PRPF18: variants seen among roughly 807,000 people sequenced by gnomAD.
PRPF18 encodes the protein pre-mRNA-splicing factor 18.
PRPF18 carries 38 observed loss-of-function variants against 46.5 expected under a neutral mutation model. That is an observed-to-expected ratio of 0.82 (90% confidence interval 0.63 to 1.07). The LOEUF (loss-of-function observed/expected upper bound fraction) is 1.07. PRPF18 is among the 50% of genes least tolerant of loss of function. The probability of loss-of-function intolerance (pLI) is 0.00; values close to 1 mark genes in which losing one functional copy is unlikely to be tolerated. For synonymous variants in PRPF18, 152 were observed against 146.7 expected (o/e 1.04, Z -0.26); for missense variants, 263 against 410.0 (o/e 0.64, Z 3.10).
chr10:13,646,950 G>A, the PRPF18 span: 22 of 979,354 alleles, frequency 2.2e-5, no homozygotes, highest in Non-Finnish European at 2.7e-5. Context: ...AGGGTCCCGG[G>A]CTTGGCTTTT....
rs185191043 is a variant in PRPF18 at position 13,621,247 on chromosome 10, C to G, written c.948+4694C>G. On this transcript the variant is annotated intron_variant, in intron 9 of 9. Transcript: ENST00000378572. ...TACTCTTATCCTTCCTCACTGTGTT[C>G]CCTCCAAACGTGACTTTACCAGCAA... 2.9e-4 allele frequency among the ~76,000 whole-genome samples: 44 copies of G among 152,300 alleles called. No individual in the cohort carries two copies. In the East Asian group the frequency reaches 5.4e-3, roughly 19 times the overall value.
intron 5 of PRPF18, 107 bp downstream of exon 5, chr10:13,610,292 G>T: frequency 1.6e-6 from 2 of 1,234,720 alleles, no homozygotes; most frequent in East Asian, 2.5e-5. Flanking sequence ...TGTTGTCCTT[G>T]GTCTTTTGTT....
chr10:13,591,494 G>A (rs989227793), intron 1 of PRPF18: 27 of 663,542 alleles, frequency 4.1e-5, no homozygotes, highest in Non-Finnish European at 7.1e-5. Flanking sequence ...TCCATGAGTC[G>A]GGGCAAACAC....
chr10:13,655,759 C>T, the PRPF18 span: 4 of 152,058 alleles, frequency 2.6e-5, no homozygotes, highest in Non-Finnish European at 5.9e-5. Flanking sequence ...TTCTGACTCT[C>T]ATTTTATTCT....
At chr10:13,624,479 G>C (rs2080468225) in intron 9 of PRPF18, among the ~76,000 whole-genome samples, 1 of 152,218 alleles carries the variant, frequency 6.6e-6, no homozygotes, top group South Asian at 2.1e-4. Context: ...AAAAGAAGGA[G>C]TGGTTGAGAA....
At chr10:13,593,552 C>A (rs2079993502) in intron 1 of PRPF18, among the ~76,000 whole-genome samples, 1 of 152,108 alleles carries the variant, frequency 6.6e-6, no homozygotes, top group Non-Finnish European at 1.5e-5. Flanking sequence ...GTAAATGATA[C>A]CCAGGGCAGA....
intron 4 of PRPF18, among the ~76,000 whole-genome samples, chr10:13,606,716 A>G (rs183431338): frequency 0.024 from 3,372 of 138,374 alleles, 108 homozygotes; most frequent in East Asian, 0.12. Flanking sequence ...GCCTGGCGAC[A>G]GAGTGAGACT....
rs541045397 is a variant in PRPF18, at chr10:13,628,973, C to T, written c.949-1287C>T. On this transcript the variant is annotated intron_variant, in intron 9 of 9. Coordinates refer to ENST00000378572, the MANE Select transcript of PRPF18 (RefSeq NM_003675.4). ...ATAATGACTTAGAGGACATGTTTAC[C>T]GAGTGGTGGATGAGAAAGCTAAGAA... 1.7e-4 allele frequency among the ~76,000 whole-genome samples: 26 copies of T among 152,072 alleles called. No homozygotes were observed. In the South Asian group the frequency reaches 5.0e-3, roughly 29 times the overall value.
At position 13,611,570 on chromosome 10, in the gene PRPF18, G is replaced by A. The variant is rs764179918; in HGVS notation, c.511-45G>A. ...GTGTTGGTAATATATATGTTTAGTT[G>A]TTGCTCTGTATTAATGAACAGAAGC... On this transcript the variant is annotated intron_variant, in intron 5 of 9. Transcript: ENST00000378572. The A allele has an allele frequency of 3.3e-6, 5 of 1,493,360 alleles. No individual in the cohort carries two copies. The South Asian group carries it at 4.5e-5, about 14-fold the overall frequency. 92.5% of individuals were successfully genotyped at this position (1,493,360 alleles called of 1,614,324 possible). A position where few individuals can be genotyped will look rare whatever the true frequency, so the allele number is the denominator to read the frequency against.
the PRPF18 span, chr10:13,654,651 AG>A: frequency 1.6e-6 from 1 of 623,054 alleles, no homozygotes; most frequent in Non-Finnish European, 2.9e-6. Context: ...ACCCCAGAGC[AG>A]GGTCTCAGCA....
chr10:13,601,145 A>G (rs886760858), intron 3 of PRPF18, among the ~76,000 whole-genome samples: 2 of 152,204 alleles, frequency 1.3e-5, no homozygotes, highest in African/African-American at 2.4e-5. Context: ...AAATAATACT[A>G]AGATGAACAT....
chr10:13,638,807 C>A, the PRPF18 span: 1 of 151,932 alleles, frequency 6.6e-6, no homozygotes, highest in African/African-American at 2.4e-5. Flanking sequence ...TCACAGATAC[C>A]TTTGGAATGA....
At chr10:13,649,212 C>T in the PRPF18 span, 2 of 152,226 alleles carry the variant, frequency 1.3e-5, no homozygotes, top group East Asian at 3.8e-4. Flanking sequence ...TAATCTGCTT[C>T]AGAGGGACTA....
chr10:13,597,022 G>T (rs1223404151), intron 1 of PRPF18, among the ~76,000 whole-genome samples: 1 of 152,108 alleles, frequency 6.6e-6, no homozygotes, highest in East Asian at 1.9e-4. Context: ...GAGTTCCCTT[G>T]TTATGTGGGA....
intron 1 of PRPF18, among the ~76,000 whole-genome samples, chr10:13,590,290 C>T (rs1432657208): frequency 2.0e-5 from 3 of 151,588 alleles, no homozygotes; most frequent in Non-Finnish European, 4.4e-5. Context: ...CAACAAAGGG[C>T]GTACATGAAA....
chr10:13,636,181 C>T, the PRPF18 span, among the ~76,000 whole-genome samples: 1,200 of 152,274 alleles, frequency 7.9e-3, 10 homozygotes, highest in Middle Eastern at 0.024. Flanking sequence ...CAGCACTCTG[C>T]GAAGCCAAGG....
In PRPF18 at chr10:13,591,776, G is replaced by A. The variant is rs548444936; in HGVS notation, c.66+4624G>A. The stretch of plus-strand genomic sequence containing the variant: ...TGGTGTTTTCTTCATAGAGGAACTC[G>A]ATTGAGGACCAGAGGTCCAGTCACA... On this transcript the variant is annotated intron_variant, in intron 1 of 9. Transcript: ENST00000378572. The A allele has an allele frequency of 1.3e-4, 183 of 1,405,836 alleles. 1 individual carries two copies. The highest frequency in any genetic ancestry group is 1.6e-4 in the Non-Finnish European group (165 of 1,041,160). 87.1% of individuals were successfully genotyped at this position (1,405,836 alleles called of 1,614,324 possible).
chr10:13,628,003 TC>T (rs139232737), intron 9 of PRPF18, among the ~76,000 whole-genome samples: 30,192 of 152,188 alleles, frequency 0.2, 3,738 homozygotes, highest in East Asian at 0.51. Context: ...AGTGCTATCA[TC>T]TATATTTCCA....
intron 1 of PRPF18, chr10:13,592,015 C>G: frequency 1.4e-6 from 1 of 694,198 alleles, no homozygotes; most frequent in African/African-American, 1.8e-5. Flanking sequence ...AGTTTAACCA[C>G]CTGGGTACTA....
Sources: gnomAD v4.1 joint callset for allele counts (sites outside exome capture counted in the v4.1 genomes callset) on GRCh38, gnomAD v4.1.1 for gene constraint, MANE v1.5 for transcripts, NCBI Gene and HGNC (gene_info 2026-07-23, HGNC 2026-07-21) for gene names.